LRFN5: variants seen among roughly 807,000 people sequenced by gnomAD.
The protein encoded by LRFN5 is leucine-rich repeat and fibronectin type-III domain-containing protein 5.
In LRFN5, 24 loss-of-function variants were observed where a neutral mutation model predicts 45.6. The observed-to-expected ratio is 0.53, with a 90% CI of 0.38 to 0.74. The LOEUF (loss-of-function observed/expected upper bound fraction) is 0.74, where lower values mean the gene tolerates loss of function less well. Among genes scored for constraint, LRFN5 ranks in the 30% least tolerant of loss-of-function variants. The probability of loss-of-function intolerance (pLI) is 0.00; values close to 1 mark genes in which losing one functional copy is unlikely to be tolerated. For synonymous variants in LRFN5, 340 were observed against 313.8 expected (o/e 1.08, Z -0.88); for missense variants, 776 against 861.5 (o/e 0.90, Z 1.24).
intron 2 of LRFN5, among the ~76,000 whole-genome samples, chr14:41,848,835 G>A (rs1889161461): frequency 6.6e-6 from 1 of 151,986 alleles, no homozygotes; most frequent in Non-Finnish European, 1.5e-5. Context: ...TGCCTGTATT[G>A]TGAAATTAGT....
At chr14:41,817,613 G>A (rs895691355) in intron 2 of LRFN5, among the ~76,000 whole-genome samples, 1 of 152,114 alleles carries the variant, frequency 6.6e-6, no homozygotes, top group Non-Finnish European at 1.5e-5. Flanking sequence ...TTAGAGGTTA[G>A]GATTTGGCTA....
rs117049804 is a variant in LRFN5 at position 41,667,376 on chromosome 14, T to C, written c.-197+58814T>C. Among the ~76,000 whole-genome samples, 649 of 152,302 alleles carry C rather than the reference T, an allele frequency of 4.3e-3. 2 individuals carry two copies. The highest frequency in any genetic ancestry group is 7.6e-3 in the Non-Finnish European group (515 of 68,016). ...AGGAGGATTTCTGATAAAGTTGTTA[T>C]ATTTTAGCAGTGCTGTCTAATACAG... On this transcript the variant is annotated intron_variant, in intron 1 of 5. Transcript: ENST00000298119.
chr14:41,675,826 T>A (rs1881605216), intron 1 of LRFN5, among the ~76,000 whole-genome samples: 1 of 152,154 alleles, frequency 6.6e-6, no homozygotes, highest in Admixed American at 6.5e-5. Flanking sequence ...ATTTAACCAG[T>A]GAAAATTATA....
intron 2 of LRFN5, among the ~76,000 whole-genome samples, chr14:41,863,210 T>C (rs1889729244): frequency 6.6e-6 from 1 of 152,182 alleles, no homozygotes; most frequent in African/African-American, 2.4e-5. Flanking sequence ...TAAATTCTAA[T>C]AGATATCTTA....
chr14:41,886,471 A>G, intron 2 of LRFN5, 135 bp from the exon 3 acceptor site: 1 of 614,886 alleles, frequency 1.6e-6, no homozygotes, highest in Non-Finnish European at 2.7e-6. Context: ...TACAGAATAA[A>G]TATTAATACT....
At chr14:41,640,116 G>T (rs1879506216) in intron 1 of LRFN5, among the ~76,000 whole-genome samples, 1 of 151,622 alleles carries the variant, frequency 6.6e-6, no homozygotes, top group African/African-American at 2.4e-5. Context: ...CTTTAATCGG[G>T]CCATACCCCT....
chr14:41,656,848 T>G (rs954018873), intron 1 of LRFN5, among the ~76,000 whole-genome samples: 3 of 151,906 alleles, frequency 2.0e-5, no homozygotes, highest in African/African-American at 7.2e-5. Flanking sequence ...AGACTGAAGG[T>G]GGGAACAATT....
intron 1 of LRFN5, among the ~76,000 whole-genome samples, chr14:41,665,433 T>G (rs1039097312): frequency 6.6e-6 from 1 of 152,084 alleles, no homozygotes; most frequent in Non-Finnish European, 1.5e-5. Context: ...CTCCATCCAG[T>G]GCAGGAAACT....
intron 1 of LRFN5, among the ~76,000 whole-genome samples, chr14:41,685,968 C>T (rs1271137906): frequency 2.6e-5 from 4 of 151,962 alleles, no homozygotes; most frequent in East Asian, 1.9e-4. Flanking sequence ...TGATTCCATA[C>T]GAAATTTAAA....
At chr14:41,842,470 A>C (rs1287624020) in intron 2 of LRFN5, among the ~76,000 whole-genome samples, 27 of 152,122 alleles carry the variant, frequency 1.8e-4, no homozygotes, top group Non-Finnish European at 2.9e-5. Context: ...AGTTGTATAT[A>C]ATTTACAACA....
intron 1 of LRFN5, among the ~76,000 whole-genome samples, chr14:41,750,267 T>TTATATATATATATATA (rs60275061): frequency 6.9e-6 from 1 of 144,384 alleles, no homozygotes; most frequent in Non-Finnish European, 1.5e-5. Flanking sequence ...GTAACTTTTC[T>TTATATATATATATATA]TATATATATA....
intron 2 of LRFN5, among the ~76,000 whole-genome samples, chr14:41,861,225 C>T (rs1889648718): frequency 6.6e-6 from 1 of 152,180 alleles, no homozygotes; most frequent in Non-Finnish European, 1.5e-5. Flanking sequence ...ACTATTTTAA[C>T]ATTGACTTAT....
At chr14:41,665,180 G>A (rs1880839867) in intron 1 of LRFN5, among the ~76,000 whole-genome samples, 1 of 151,630 alleles carries the variant, frequency 6.6e-6, no homozygotes, top group Admixed American at 6.6e-5. Context: ...TATGCTGTCT[G>A]GTTTCCAAAA....
At chr14:41,610,683 A>AAAAAAAAAAAAAAT (rs1887720009) in intron 1 of LRFN5, among the ~76,000 whole-genome samples, 1 of 144,660 alleles carries the variant, frequency 6.9e-6, no homozygotes, top group Non-Finnish European at 1.5e-5. Flanking sequence ...AAAAAAAAAA[A>AAAAAAAAAAAAAAT]GTGTATTGCC....
At chr14:41,792,324 C>T (rs762733022) in intron 2 of LRFN5, among the ~76,000 whole-genome samples, 5 of 152,014 alleles carry the variant, frequency 3.3e-5, no homozygotes, top group Admixed American at 2.0e-4. Flanking sequence ...CAGCTGTGCA[C>T]GTATTATCTT....
At chr14:41,710,019 C>T (rs546859410) in intron 1 of LRFN5, among the ~76,000 whole-genome samples, 3 of 151,958 alleles carry the variant, frequency 2.0e-5, no homozygotes, top group South Asian at 2.1e-4. Context: ...GACTAACTGG[C>T]GTGTTTCACA....
At chr14:41,888,088 T>A (rs1890645068) in intron 3 of LRFN5, 78 bp downstream of exon 3, 8 of 1,091,076 alleles carry the variant, frequency 7.3e-6, no homozygotes, top group Non-Finnish European at 1.1e-5. Flanking sequence ...TGATTTTTTT[T>A]AATTGGCAGT....
chr14:41,722,921 G>A (rs1032482537), intron 1 of LRFN5, among the ~76,000 whole-genome samples: 5 of 152,166 alleles, frequency 3.3e-5, no homozygotes, highest in Non-Finnish European at 5.9e-5. Flanking sequence ...GCTGGCAGGC[G>A]CAAGCACCAG....
chr14:41,880,231 A>G (rs1890335132), intron 2 of LRFN5, among the ~76,000 whole-genome samples: 2 of 151,642 alleles, frequency 1.3e-5, no homozygotes, highest in South Asian at 2.1e-4. Flanking sequence ...CCGGCCCTCA[A>G]TCTTTTCTAA....
Sources: gnomAD v4.1 joint callset for allele counts (sites outside exome capture counted in the v4.1 genomes callset) on GRCh38, gnomAD v4.1.1 for gene constraint, MANE v1.5 for transcripts, NCBI Gene and HGNC (gene_info 2026-07-23, HGNC 2026-07-21) for gene names.